Variants in LRBA observed in about 807,000 individuals in gnomAD.
The protein encoded by LRBA is LPS responsive beige-like anchor protein, also known as lipopolysaccharide-responsive and beige-like anchor protein.
Under a neutral mutation model 330.0 loss-of-function variants are expected in LRBA, and 176 were observed. The observed-to-expected ratio is 0.53, with a 90% CI of 0.47 to 0.60. The LOEUF (loss-of-function observed/expected upper bound fraction) is 0.60, where lower values mean the gene tolerates loss of function less well. LRBA is among the 20% of genes least tolerant of loss of function. The pLI, the probability that LRBA is intolerant of heterozygous loss-of-function variation, is 0.00. For missense variants in LRBA, 3,259 were observed against 3,444.8 expected (o/e 0.95, Z 1.35); for synonymous variants, 1,230 against 1,193.0 (o/e 1.03, Z -0.64).
intron 37 of LRBA, among the ~76,000 whole-genome samples, chr4:150,676,513 A>AATT (rs1382294467): frequency 2.6e-5 from 4 of 152,202 alleles, no homozygotes; most frequent in Non-Finnish European, 5.9e-5. Context: ...GGAGAAACAA[A>AATT]ATTTGAAACG....
intron 44 of LRBA, among the ~76,000 whole-genome samples, chr4:150,443,784 C>T (rs1269573125): frequency 1.4e-5 from 2 of 148,014 alleles, no homozygotes; most frequent in African/African-American, 5.0e-5. Flanking sequence ...CAACATGGCA[C>T]ATGTATACAT....
At chr4:150,457,827 T>C (rs1276088216) in intron 44 of LRBA, among the ~76,000 whole-genome samples, 1 of 151,936 alleles carries the variant, frequency 6.6e-6, no homozygotes, top group Non-Finnish European at 1.5e-5. Flanking sequence ...ATACAAAGCA[T>C]TATGGGATAA....
chr4:150,991,068 AAAG>A (rs1561101559), intron 2 of LRBA, among the ~76,000 whole-genome samples: 1 of 151,890 alleles, frequency 6.6e-6, no homozygotes, highest in East Asian at 1.9e-4. Flanking sequence ...AAAAAAAAAA[AAAG>A]AAGACGAAGA....
At chr4:150,598,206 T>C (rs1024797927) in intron 38 of LRBA, among the ~76,000 whole-genome samples, 8 of 152,158 alleles carry the variant, frequency 5.3e-5, no homozygotes, top group Non-Finnish European at 1.2e-4. Context: ...AAAACCAATT[T>C]ATATTTTATA....
intron 18 of LRBA, among the ~76,000 whole-genome samples, chr4:150,872,414 A>G (rs1482435377): frequency 6.6e-6 from 1 of 152,214 alleles, no homozygotes; most frequent in African/African-American, 2.4e-5. Flanking sequence ...TCTTGAATGC[A>G]AGCTGTCCAA....
At chr4:150,734,132 ATATAAATCTT>A (rs1399414515) in intron 36 of LRBA, among the ~76,000 whole-genome samples, 1 of 152,138 alleles carries the variant, frequency 6.6e-6, no homozygotes, top group Non-Finnish European at 1.5e-5. Context: ...TTGTTTTCTT[ATATAAATCTT>A]TTTCTGTGAG....
intron 40 of LRBA, among the ~76,000 whole-genome samples, chr4:150,514,468 G>A (rs1762136942): frequency 6.6e-6 from 1 of 152,104 alleles, no homozygotes; most frequent in African/African-American, 2.4e-5. Context: ...TCTGGCCCCT[G>A]TGGTTTTATC....
At chr4:150,811,564 G>A (rs1362138440) in intron 31 of LRBA, among the ~76,000 whole-genome samples, 1 of 152,064 alleles carries the variant, frequency 6.6e-6, no homozygotes, top group East Asian at 1.9e-4. Flanking sequence ...GTGTACTGGT[G>A]TGATCATAGC....
chr4:150,608,624 T>C (rs1774916059), intron 37 of LRBA, among the ~76,000 whole-genome samples: 1 of 152,206 alleles, frequency 6.6e-6, no homozygotes, highest in Non-Finnish European at 1.5e-5. Context: ...ACCATAATGC[T>C]CACCCGTTTA....
At position 150,832,468 on chromosome 4, in the gene LRBA, T is replaced by C. The variant is rs1366526505; in HGVS notation, c.4570-492A>G. Reference sequence around the variant, plus strand: ...AAAATTAGCCAGGTGTGGTGGCACATGCCTGTAATCCCAGCTACTCAGGAG... The same window carrying C: ...AAAATTAGCCAGGTGTGGTGGCACACGCCTGTAATCCCAGCTACTCAGGAG... On this transcript the variant is annotated intron_variant, in intron 28 of 56. Transcript: ENST00000651943. 2.6e-5 allele frequency among the ~76,000 whole-genome samples: 4 copies of C among 152,128 alleles called. No homozygotes were observed. In the East Asian group the frequency reaches 5.8e-4, roughly 22 times the overall value.
At chr4:150,856,991 T>C (rs1751303784) in intron 22 of LRBA, among the ~76,000 whole-genome samples, 1 of 152,156 alleles carries the variant, frequency 6.6e-6, no homozygotes, top group African/African-American at 2.4e-5. Context: ...ATATTATCTT[T>C]TTAATCTATA....
intron 2 of LRBA, among the ~76,000 whole-genome samples, chr4:150,980,666 G>A (rs1740730093): frequency 6.6e-6 from 1 of 151,838 alleles, no homozygotes; most frequent in Non-Finnish European, 1.5e-5. Flanking sequence ...AAGGGGAAGG[G>A]GAATCCAAAT....
intron 21 of LRBA, 34 bp from the exon 22 acceptor site, chr4:150,867,897 G>A (rs1560937861): frequency 1.2e-5 from 18 of 1,465,380 alleles, no homozygotes; most frequent in East Asian, 4.7e-5. Flanking sequence ...AATTACTGAA[G>A]AAAAAAAAAT....
At chr4:150,648,184 A>AAAAAAT (rs1779378881) in intron 37 of LRBA, among the ~76,000 whole-genome samples, 1 of 149,064 alleles carries the variant, frequency 6.7e-6, no homozygotes, top group African/African-American at 2.4e-5. Context: ...AAAACTAGAA[A>AAAAAAT]AGAGCGAGAT....
intron 37 of LRBA, among the ~76,000 whole-genome samples, chr4:150,648,122 C>A: frequency 1.6e-5 from 1 of 60,780 alleles, no homozygotes; most frequent in Admixed American, 2.6e-4. Context: ...AAGAAGGAGG[C>A]AGTGAGGACA....
At chr4:150,584,129 A>T (rs1195090675) in intron 40 of LRBA, 2 of 1,505,828 alleles carry the variant, frequency 1.3e-6, no homozygotes, top group Non-Finnish European at 1.8e-6. Context: ...GACTGCTTGA[A>T]AAGCGACACA....
intron 35 of LRBA, among the ~76,000 whole-genome samples, chr4:150,747,235 G>A (rs1732867357): frequency 6.6e-6 from 1 of 151,880 alleles, no homozygotes; most frequent in African/African-American, 2.4e-5. Context: ...CTAAACCAAA[G>A]TAAAGGTTCA....
At chr4:150,341,559 C>G (rs567424480) in intron 48 of LRBA, among the ~76,000 whole-genome samples, 5 of 152,052 alleles carry the variant, frequency 3.3e-5, no homozygotes, top group African/African-American at 1.2e-4. Context: ...CCATACTCTC[C>G]GCTTTGAATG....
chr4:150,617,883 G>C (rs1191573370), intron 37 of LRBA, among the ~76,000 whole-genome samples: 1 of 152,262 alleles, frequency 6.6e-6, no homozygotes, highest in East Asian at 1.9e-4. Flanking sequence ...AGGTGGGCCA[G>C]ACTGCTTGAG....
Sources: gnomAD v4.1 joint callset for allele counts (sites outside exome capture counted in the v4.1 genomes callset) on GRCh38, gnomAD v4.1.1 for gene constraint, MANE v1.5 for transcripts, NCBI Gene and HGNC (gene_info 2026-07-23, HGNC 2026-07-21) for gene names.